The following GATA3 variants were observed in gnomAD, a reference collection of about 807,000 sequenced individuals.
The protein encoded by GATA3 is GATA binding protein 3.
GATA3 carries 6 observed loss-of-function variants against 36.0 expected under a neutral mutation model. The ratio of observed to expected loss-of-function variants is 0.17; its 90% CI spans 0.09 to 0.33. The LOEUF is 0.33. Ranked by LOEUF, GATA3 falls within the 10% of genes least tolerant of loss-of-function variation. GATA3 has a pLI of 1.00. For missense variants in GATA3, 514 were observed against 610.1 expected, an observed-to-expected ratio of 0.84 and a Z score of 1.66; for synonymous variants, 326 against 273.0, an observed-to-expected ratio of 1.19 and a Z score of -1.92.
chr10:8,049,067 C>A (rs12414461), upstream of GATA3, among the ~76,000 whole-genome samples: 45,243 of 147,526 alleles, frequency 0.31, 7,064 homozygotes, highest in Admixed American at 0.39. Flanking sequence ...AAACGGTGAT[C>A]GATGAATAAG....
At chr10:8,046,954 C>T (rs1056536037) in intron 1 of GATA3, among the ~76,000 whole-genome samples, 39 of 152,254 alleles carry the variant, frequency 2.6e-4, no homozygotes, top group African/African-American at 9.1e-4. Flanking sequence ...CTGCAATCCA[C>T]GGGCCCATCC....
At chr10:8,060,985 A>G (rs1270921265) in intron 3 of GATA3, among the ~76,000 whole-genome samples, 1 of 151,694 alleles carries the variant, frequency 6.6e-6, no homozygotes, top group East Asian at 1.9e-4. Flanking sequence ...GTGGAGGGGA[A>G]GTTTCGAGAA....
At chr10:8,051,860 C>G (rs1225528981), upstream of GATA3, among the ~76,000 whole-genome samples, 1 of 152,132 alleles carries the variant, frequency 6.6e-6, no homozygotes, top group African/African-American at 2.4e-5. Flanking sequence ...CAGCCCGGCT[C>G]TCCGCCTCAG....
At chr10:8,071,421 G>C (rs928762467) in intron 5 of GATA3, among the ~76,000 whole-genome samples, 4 of 152,190 alleles carry the variant, frequency 2.6e-5, no homozygotes, top group Non-Finnish European at 5.9e-5. Flanking sequence ...AATTATAGGA[G>C]ATTAACTAGC....
chr10:8,064,636 A>G lies in GATA3; in HGVS notation c.924+498A>G, dbSNP rs937264531. ...ACTCAGTGCAATGGATGGATTTGTT[A>G]TGCTAATGCTTCAAAATGGTTGGAG... On this transcript the variant is annotated intron_variant, in intron 4 of 5. Coordinates refer to ENST00000379328, the MANE Select transcript of GATA3 (RefSeq NM_001002295.2). 6.6e-5 allele frequency among the ~76,000 whole-genome samples: 10 copies of G among 152,304 alleles called. No individual in the cohort carries two copies. In the East Asian group the frequency reaches 1.9e-3, roughly 29 times the overall value.
chr10:8,058,184 C>A, intron 2 of GATA3, 121 bp from the exon 3 acceptor site: 1 of 1,103,922 alleles, frequency 9.1e-7, no homozygotes, highest in Non-Finnish European at 1.3e-6. Flanking sequence ...TGGGCCTGAG[C>A]CCGGGCTTTT....
At chr10:8,046,315 G>A (rs1253747360) in intron 1 of GATA3, among the ~76,000 whole-genome samples, 2 of 152,158 alleles carry the variant, frequency 1.3e-5, no homozygotes, top group Non-Finnish European at 2.9e-5. Flanking sequence ...TCTTTCTCTC[G>A]GACACCAACA....
At chr10:8,073,396 T>C (rs1290602688) in intron 5 of GATA3, among the ~76,000 whole-genome samples, 1 of 152,152 alleles carries the variant, frequency 6.6e-6, no homozygotes, top group African/African-American at 2.4e-5. Context: ...TTTGTCAAAG[T>C]AGCCAAAATG....
chr10:8,049,635 C>G (rs1224701845), upstream of GATA3, among the ~76,000 whole-genome samples: 5 of 152,192 alleles, frequency 3.3e-5, no homozygotes, highest in African/African-American at 1.2e-4. Flanking sequence ...TCCCGCCCGG[C>G]AGCCGGCGAG....
Position 8,073,774 on chromosome 10 carries a change from C to T in GATA3, c.1086C>T (p.Ile362=), listed in dbSNP as rs1295805769. Residue 362 remains isoleucine (I), a synonymous_variant, in exon 6 of 6, where the codon ATC becomes ATT. Transcript: ENST00000379328. ...NRPLTMKKEG[I]QTRNRKMSSK... ...CCCTGACTATGAAGAAGGAAGGCAT[C>T]CAGACCAGAAACCGAAAAATGTCTA... is the stretch of plus-strand genomic sequence containing the variant. The T allele has an allele frequency of 6.2e-7, 1 of 1,613,928 alleles. No homozygotes were observed. Among genetic ancestry groups the T allele is most frequent in the African/African-American group, 1.3e-5 (1 of 74,982 alleles).
chr10:8,047,566 GA>G (rs1243863700), intron 1 of GATA3, among the ~76,000 whole-genome samples: 1 of 152,210 alleles, frequency 6.6e-6, no homozygotes, highest in Non-Finnish European at 1.5e-5. Flanking sequence ...GCAAACTGAG[GA>G]ATCCCCCTTT....
chr10:8,072,396 G>A (rs1377159412), intron 5 of GATA3, among the ~76,000 whole-genome samples: 2 of 152,302 alleles, frequency 1.3e-5, no homozygotes, highest in East Asian at 3.9e-4. Flanking sequence ...TTCACTCCTT[G>A]AGTCTGTTTG....
chr10:8,051,604 C>T (rs1832494269), upstream of GATA3: 1 of 153,138 alleles, frequency 6.5e-6, no homozygotes. Flanking sequence ...ACTCGCTAGA[C>T]CAGGCCGAGG....
upstream of GATA3, among the ~76,000 whole-genome samples, chr10:8,048,744 C>G (rs933923426): frequency 7.9e-5 from 12 of 152,264 alleles, no homozygotes; most frequent in African/African-American, 2.7e-4. Flanking sequence ...GGGGCTCCCC[C>G]CAACTGCCAC....
chr10:8,069,999 T>C (rs1233740223), intron 5 of GATA3, among the ~76,000 whole-genome samples: 1 of 152,128 alleles, frequency 6.6e-6, no homozygotes, highest in African/African-American at 2.4e-5. Context: ...GAAAGGTAAA[T>C]AGAATTGTAA....
At chr10:8,072,698 A>G (rs1564404752) in intron 5 of GATA3, among the ~76,000 whole-genome samples, 1 of 152,110 alleles carries the variant, frequency 6.6e-6, no homozygotes, top group Non-Finnish European at 1.5e-5. Flanking sequence ...CCTTTTCAAG[A>G]TGAGTGCCCT....
chr10:8,058,612 C>T lies in GATA3; in HGVS notation c.549C>T (p.Cys183=), dbSNP rs1832690646. 1.9e-6 allele frequency: 3 copies of T among 1,612,258 alleles called. No individual in the cohort carries two copies. The highest frequency in any genetic ancestry group is 1.7e-6 in the Non-Finnish European group (2 of 1,179,916). ...AGSARQDEKE[C]LKYQVPLPDS... ...CGGCCCGGCAGGACGAGAAAGAGTG[C>T]CTCAAGTACCAGGTGCCCCTGCCCG... is the stretch of plus-strand genomic sequence containing the variant. Residue 183 remains cysteine (C), a synonymous_variant, in exon 3 of 6, where the codon TGC becomes TGT. Transcript: ENST00000379328.
In GATA3 at chr10:8,074,110, C is replaced by T; in HGVS notation, c.*87C>T. On this transcript the variant is annotated 3_prime_UTR_variant, in exon 6 of 6. Transcript: ENST00000379328. ...TTTTTGCAGGAGCAGTATCATGAAG[C>T]CTAAACGCGATGGATATATGTTTTT... 6.9e-7 allele frequency: 1 copy of T among 1,455,376 alleles called. No homozygotes were observed. The highest frequency in any genetic ancestry group is 9.4e-7 in the Non-Finnish European group (1 of 1,064,368). The allele number at this position is 1,455,376 out of a possible 1,614,324, so 90.2% of individuals were successfully genotyped here.
upstream of GATA3, chr10:8,051,433 T>G (rs2131470293): frequency 5.0e-6 from 1 of 200,302 alleles, no homozygotes; most frequent in East Asian, 1.7e-4. Flanking sequence ...GCTCCCAAGG[T>G]CCCAGGCGTC....
Sources: allele counts gnomAD v4.1 joint callset (sites outside exome capture counted in the v4.1 genomes callset), GRCh38; gene constraint gnomAD v4.1.1; transcripts MANE v1.5; gene names NCBI Gene and HGNC (gene_info 2026-07-23, HGNC 2026-07-21).